The following F8 variants were observed in gnomAD, a reference collection of about 807,000 sequenced individuals.
F8 encodes coagulation factor VIII.
F8 carries 12 observed loss-of-function variants against 140.6 expected under a neutral mutation model. The observed-to-expected ratio is 0.09, with a 90% confidence interval of 0.05 to 0.14. F8 has a LOEUF of 0.14. Among genes scored for constraint, F8 ranks in the 10% least tolerant of loss-of-function variants. The pLI is 1.00. For synonymous variants in F8, 585 were observed against 614.6 expected, an observed-to-expected ratio of 0.95 and a Z score of 0.71; for missense variants, 1,354 against 1,720.7, an observed-to-expected ratio of 0.79 and a Z score of 3.77.
Position 154,928,562 on chromosome X carries a change from C to T in F8, c.5219+9G>A, listed in dbSNP as rs1557278251. ...GAGCAGAGCAAAGGAATAACCAATG[C>T]ATTCATACCTGTTTCTTAGAACATG... On this transcript the variant is annotated intron_variant, in intron 14 of 25. Coordinates refer to ENST00000360256, the MANE Select transcript of F8 (RefSeq NM_000132.4). 1.7e-6 allele frequency: 2 copies of T among 1,186,834 alleles called. No individual in the cohort carries two copies. Among genetic ancestry groups the T allele is most frequent in the Non-Finnish European group, 2.3e-6 (2 of 872,896 alleles).
At chrX:154,961,021 T>A (rs1403144339) in intron 10 of F8, 54 bp downstream of exon 10, 2 of 797,323 alleles carry the variant, frequency 2.5e-6, no homozygotes, top group Non-Finnish European at 3.8e-6. Flanking sequence ...TGATGATATT[T>A]ATCTCATCTG....
intron 25 of F8, among the ~76,000 whole-genome samples, chrX:154,859,304 CTTT>C (rs782710528): frequency 2.1e-5 from 2 of 95,540 alleles, no homozygotes; most frequent in Non-Finnish European, 2.1e-5. Flanking sequence ...AGCGTATTTT[CTTT>C]TTTTTTTTTT....
chrX:154,990,611 G>A (rs1356056798), intron 4 of F8, among the ~76,000 whole-genome samples: 2 of 112,192 alleles, frequency 1.8e-5, no homozygotes, highest in African/African-American at 3.2e-5. Flanking sequence ...TCAGATGAAA[G>A]TATGATTTCT....
At chrX:154,982,624 G>C (rs1303616026) in intron 6 of F8, among the ~76,000 whole-genome samples, 2 of 110,410 alleles carry the variant, frequency 1.8e-5, no homozygotes, top group Admixed American at 1.9e-4. Context: ...ATTCCCAGTT[G>C]GGACAAATGT....
At chrX:154,953,297 C>T (rs182595215) in intron 12 of F8, among the ~76,000 whole-genome samples, 23 of 112,044 alleles carry the variant, frequency 2.1e-4, no homozygotes, top group African/African-American at 6.5e-4. Flanking sequence ...AAGGTCATTA[C>T]GGTGGGCCCT....
At chrX:155,006,878 CGCA>C (rs1357000889) in intron 1 of F8, among the ~76,000 whole-genome samples, 1 of 55,631 alleles carries the variant, frequency 1.8e-5, no homozygotes, top group African/African-American at 7.1e-5. Context: ...CACAGGATCT[CGCA>C]GCAGATTGGC....
chrX:154,858,047 G>A (rs1278884142), intron 25 of F8, among the ~76,000 whole-genome samples: 1 of 112,054 alleles, frequency 8.9e-6, no homozygotes, highest in African/African-American at 3.2e-5. Context: ...GCTGAGGCAC[G>A]AGAAATGCTT....
chrX:154,922,213 T>C (rs2073135336), intron 14 of F8, among the ~76,000 whole-genome samples: 1 of 112,247 alleles, frequency 8.9e-6, no homozygotes, highest in African/African-American at 3.2e-5. Context: ...CTGTCTTCTT[T>C]TATCTGTATG....
intron 25 of F8, among the ~76,000 whole-genome samples, chrX:154,846,353 T>A (rs181499327): frequency 9.4e-4 from 105 of 111,773 alleles, no homozygotes; most frequent in African/African-American, 3.3e-3. Flanking sequence ...ACTTTCTGTC[T>A]CGTTGAACTG....
At chrX:154,973,142 G>A (rs139390000) in intron 6 of F8, among the ~76,000 whole-genome samples, 74 of 112,442 alleles carry the variant, frequency 6.6e-4, no homozygotes, top group Non-Finnish European at 9.2e-4. Flanking sequence ...TGCCAACTTC[G>A]TAGAAAATCA....
chrX:154,943,936 T>C (rs868926019), intron 13 of F8, among the ~76,000 whole-genome samples: 1 of 111,814 alleles, frequency 8.9e-6, no homozygotes, highest in Admixed American at 9.5e-5. Context: ...CCCTATTTAA[T>C]AAATGGTGCT....
At position 155,012,499 on chromosome X, in the gene F8, T is replaced by A. The variant is rs781874173; in HGVS notation, c.143+9911A>T. ...CTAATGAAAAAAAATTCTGTAGAAG[T>A]CAAGTCTTGTTATGTTGCCCAGGCT... On this transcript the variant is annotated intron_variant, in intron 1 of 25. Coordinates refer to ENST00000360256, the MANE Select transcript of F8 (RefSeq NM_000132.4). 9.9e-5 allele frequency among the ~76,000 whole-genome samples: 11 copies of A among 111,026 alleles called. No homozygotes were observed. The South Asian group carries it at 4.3e-3, about 43-fold the overall frequency.
Position 154,962,447 on chromosome X carries a change from A to G in F8, c.1444-1279T>C, listed in dbSNP as rs185649098. The stretch of plus-strand genomic sequence containing the variant: ...TTATTACTATTTGGGCATTAAATTC[A>G]CTGATAATAGAGAAAGAGACAGTGT... On this transcript the variant is annotated intron_variant, in intron 9 of 25. Coordinates refer to ENST00000360256, the MANE Select transcript of F8 (RefSeq NM_000132.4). Among the ~76,000 whole-genome samples the G allele has an allele frequency of 5.8e-3, 652 of 112,489 alleles. 7 individuals carry two copies. The highest frequency in any genetic ancestry group is 0.02 in the African/African-American group (619 of 31,013).
chrX:154,981,996 A>C (rs185511439), intron 6 of F8, among the ~76,000 whole-genome samples: 5,659 of 105,131 alleles, frequency 0.054, 142 homozygotes, highest in Middle Eastern at 0.14. Context: ...CCGGCCTGGC[A>C]AACATGGTGA....
chrX:154,953,675 G>A (rs1324293881), intron 12 of F8, among the ~76,000 whole-genome samples: 1 of 111,641 alleles, frequency 9.0e-6, no homozygotes, highest in Non-Finnish European at 1.9e-5. Context: ...AAAGGGAGAG[G>A]GAAATCAAGT....
chrX:154,863,484 C>T (rs2148568299), intron 22 of F8, among the ~76,000 whole-genome samples: 1 of 111,500 alleles, frequency 9.0e-6, no homozygotes, highest in East Asian at 2.8e-4. Context: ...CTGTAAAAGG[C>T]TCATAAAAGT....
At chrX:154,842,187 G>T (rs1274925666) in intron 25 of F8, among the ~76,000 whole-genome samples, 3 of 110,937 alleles carry the variant, frequency 2.7e-5, no homozygotes, top group Non-Finnish European at 5.7e-5. Context: ...AATTTTTGTG[G>T]GATCTTTATT....
intron 14 of F8, among the ~76,000 whole-genome samples, chrX:154,926,127 GC>G (rs2073159127): frequency 8.9e-6 from 1 of 111,963 alleles, no homozygotes; most frequent in Non-Finnish European, 1.9e-5. Flanking sequence ...CTTTGCCTGT[GC>G]CATCCATGTG....
intron 18 of F8, 62 bp downstream of exon 18, chrX:154,903,844 C>T (rs1243069411): frequency 1.8e-5 from 18 of 1,017,267 alleles, no homozygotes; most frequent in African/African-American, 3.7e-5. Flanking sequence ...GTGCCTAGAC[C>T]ATTTAAAGTA....
Sources: gnomAD v4.1 joint callset for allele counts (sites outside exome capture counted in the v4.1 genomes callset) on GRCh38, gnomAD v4.1.1 for gene constraint, MANE v1.5 for transcripts, NCBI Gene and HGNC (gene_info 2026-07-23, HGNC 2026-07-21) for gene names.